XPR1: variants seen among roughly 807,000 people sequenced by gnomAD.
XPR1 encodes the protein solute carrier family 53 member 1.
XPR1 carries 28 observed loss-of-function variants against 87.5 expected under a neutral mutation model. The ratio of observed to expected loss-of-function variants is 0.32; its 90% CI spans 0.24 to 0.44. The LOEUF (loss-of-function observed/expected upper bound fraction) is 0.44. Among genes scored for constraint, XPR1 ranks in the 20% least tolerant of loss-of-function variants. The pLI is 1.00. For missense variants in XPR1, 559 were observed against 862.3 expected, an observed-to-expected ratio of 0.65 and a Z score of 4.41; for synonymous variants, 300 against 306.1, an observed-to-expected ratio of 0.98 and a Z score of 0.21.
intron 2 of XPR1, among the ~76,000 whole-genome samples, chr1:180,754,906 G>T (rs918528134): frequency 1.3e-5 from 2 of 152,094 alleles, no homozygotes; most frequent in African/African-American, 4.8e-5. Context: ...ATGGTGTTAA[G>T]CCTGAATGGT....
At chr1:180,689,608 A>G (rs1656912479) in intron 2 of XPR1, among the ~76,000 whole-genome samples, 1 of 152,318 alleles carries the variant, frequency 6.6e-6, no homozygotes, top group Admixed American at 6.5e-5. Flanking sequence ...GTAAAACTAG[A>G]GTAAATTTAA....
At chr1:180,696,490 A>G (rs1408793004) in intron 2 of XPR1, among the ~76,000 whole-genome samples, 2 of 152,006 alleles carry the variant, frequency 1.3e-5, no homozygotes, top group Non-Finnish European at 2.9e-5. Flanking sequence ...TCTGGCTAGG[A>G]ATTTCAGTAC....
chr1:180,849,374 C>T (rs1218164391), intron 11 of XPR1, among the ~76,000 whole-genome samples: 1 of 152,134 alleles, frequency 6.6e-6, no homozygotes, highest in African/African-American at 2.4e-5. Context: ...TACAAGGCAG[C>T]GTGCTATAAT....
intron 1 of XPR1, among the ~76,000 whole-genome samples, chr1:180,677,833 T>C (rs1656418642): frequency 2.0e-5 from 3 of 152,224 alleles, no homozygotes. Flanking sequence ...GTTTGGTCTA[T>C]GCCCTGGAAT....
chr1:180,752,315 TG>T (rs1420398681), intron 2 of XPR1, among the ~76,000 whole-genome samples: 1 of 152,126 alleles, frequency 6.6e-6, no homozygotes, highest in Non-Finnish European at 1.5e-5. Flanking sequence ...TTTGATATTA[TG>T]TGGTTAAATT....
intron 2 of XPR1, among the ~76,000 whole-genome samples, chr1:180,697,821 AT>A (rs1657219267): frequency 6.6e-6 from 1 of 152,120 alleles, no homozygotes; most frequent in South Asian, 2.1e-4. Flanking sequence ...ACTTGACATT[AT>A]TTTGATTTTT....
rs762583419 is a variant in XPR1 at position 180,880,076 on chromosome 1, G to T, written c.1809G>T (p.Arg603=). Residue 603 remains arginine, a splice_region_variant and synonymous_variant, in exon 14 of 15, where the codon CGG becomes CGT. Coordinates refer to ENST00000367590, the MANE Select transcript of XPR1 (RefSeq NM_004736.4). Reference sequence around the variant, plus strand: ...CTTTGATCTACCCCATTTTGCTAAGGCGATTTGTGTGGAACTTCTTCCGCC... The same window carrying T: ...CTTTGATCTACCCCATTTTGCTAAGTCGATTTGTGTGGAACTTCTTCCGCC... The part of the protein sequence containing the change: ...ATVFAPLEVF[R]RFVWNFFRLE... 1 of 1,614,092 alleles carries T rather than the reference G, an allele frequency of 6.2e-7. No homozygotes were observed. The highest frequency in any genetic ancestry group is 1.7e-5 in the Admixed American group (1 of 60,010).
rs1557941450 is a variant in XPR1 at position 180,656,456 on chromosome 1, T to TTATATATAATATTTATATA, written c.69+24187_69+24188insATATATAATATTTATATAT. On this transcript the variant is annotated intron_variant, in intron 1 of 14. Coordinates refer to ENST00000367590, the MANE Select transcript of XPR1 (RefSeq NM_004736.4). Reference sequence around the variant, plus strand: ...ATATTTATATATAAATATTTATATATTTATATATAATATTTATACATTATA... The same window carrying TTATATATAATATTTATATA: ...ATATTTATATATAAATATTTATATATTATATATAATATTTATATATTATATATAATATTTATACATTATA... Among the ~76,000 whole-genome samples the TTATATATAATATTTATATA allele has an allele frequency of 1.2e-3, 4 of 3,336 alleles. 1 individual carries two copies. The highest frequency in any genetic ancestry group is 1.9e-3 in the Non-Finnish European group (3 of 1,568). 2.2% of individuals were successfully genotyped at this position (3,336 alleles called of 152,430 possible).
At chr1:180,809,827 A>G (rs1487832998) in intron 6 of XPR1, among the ~76,000 whole-genome samples, 1 of 152,178 alleles carries the variant, frequency 6.6e-6, no homozygotes, top group African/African-American at 2.4e-5. Flanking sequence ...ATATATGATA[A>G]ATTAAACAAT....
intron 3 of XPR1, among the ~76,000 whole-genome samples, chr1:180,788,363 T>C (rs1462116010): frequency 6.6e-6 from 1 of 152,228 alleles, no homozygotes; most frequent in Non-Finnish European, 1.5e-5. Context: ...TTATTTTTTG[T>C]ACATGTATGT....
In XPR1 at chr1:180,884,485, A is replaced by G. The variant is rs1652943650; in HGVS notation, c.*419A>G. ...GTTGAAACCGGACATTGGTTTTTAA[A>G]TTTTTTGTCAGTTTATGTGGAGAAT... On this transcript the variant is annotated 3_prime_UTR_variant, in exon 15 of 15. Coordinates refer to ENST00000367590, the MANE Select transcript of XPR1 (RefSeq NM_004736.4). 6.5e-6 allele frequency: 1 copy of G among 153,778 alleles called. No individual in the cohort carries two copies. The highest frequency in any genetic ancestry group is 6.5e-5 in the Admixed American group (1 of 15,310). The allele number at this position is 153,778 out of a possible 1,614,324, so 9.5% of individuals were successfully genotyped here. A position where few individuals can be genotyped will look rare whatever the true frequency, so the allele number is the denominator to read the frequency against.
intron 1 of XPR1, among the ~76,000 whole-genome samples, chr1:180,674,386 G>A (rs931474619): frequency 2.6e-5 from 4 of 152,140 alleles, no homozygotes; most frequent in African/African-American, 9.7e-5. Context: ...AGCCTCCTGA[G>A]TAGCTGGGAT....
intron 1 of XPR1, among the ~76,000 whole-genome samples, chr1:180,636,620 T>C (rs958968210): frequency 3.3e-5 from 5 of 152,212 alleles, no homozygotes; most frequent in African/African-American, 1.2e-4. Flanking sequence ...TAGTCCTAGC[T>C]TCAAATTCAG....
intron 7 of XPR1, among the ~76,000 whole-genome samples, chr1:180,814,121 C>T (rs957583965): frequency 9.9e-5 from 15 of 152,150 alleles, no homozygotes; most frequent in African/African-American, 3.6e-4. Context: ...CATAAACATT[C>T]TGCTTAAGAC....
intron 2 of XPR1, among the ~76,000 whole-genome samples, chr1:180,751,784 C>A (rs1335084922): frequency 6.6e-6 from 1 of 152,058 alleles, no homozygotes; most frequent in Non-Finnish European, 1.5e-5. Flanking sequence ...GAACCTCTCT[C>A]TTGTCAAGTA....
intron 2 of XPR1, among the ~76,000 whole-genome samples, chr1:180,773,244 G>A (rs1348026316): frequency 6.6e-6 from 1 of 151,878 alleles, no homozygotes; most frequent in Non-Finnish European, 1.5e-5. Flanking sequence ...GGATACTTGG[G>A]GAAAAAAAAT....
intron 2 of XPR1, among the ~76,000 whole-genome samples, chr1:180,781,409 T>A (rs986277407): frequency 5.9e-5 from 9 of 151,910 alleles, no homozygotes; most frequent in Non-Finnish European, 1.0e-4. Flanking sequence ...TATTTGATGG[T>A]GTTGATAGTG....
At chr1:180,856,510 T>C (rs1334873429) in intron 11 of XPR1, among the ~76,000 whole-genome samples, 2 of 152,212 alleles carry the variant, frequency 1.3e-5, no homozygotes, top group Admixed American at 1.3e-4. Flanking sequence ...TTTTCTGGGC[T>C]TCCTCCACCT....
At chr1:180,694,773 G>GCACA (rs56118040) in intron 2 of XPR1, among the ~76,000 whole-genome samples, 8,607 of 149,552 alleles carry the variant, frequency 0.058, 299 homozygotes, top group Non-Finnish European at 0.08. Flanking sequence ...ATTGTTGTGT[G>GCACA]CACACACACA....
Sources: allele counts gnomAD v4.1 joint callset (sites outside exome capture counted in the v4.1 genomes callset), GRCh38; gene constraint gnomAD v4.1.1; transcripts MANE v1.5; gene names NCBI Gene and HGNC (gene_info 2026-07-23, HGNC 2026-07-21).